LCOR: variants seen among roughly 807,000 people sequenced by gnomAD.
LCOR encodes ligand dependent nuclear receptor corepressor, also known as ligand-dependent corepressor.
In LCOR, 14 loss-of-function variants were observed where a neutral mutation model predicts 64.4. The ratio of observed to expected loss-of-function variants is 0.22; its 90% confidence interval spans 0.14 to 0.34. The LOEUF (loss-of-function observed/expected upper bound fraction) is 0.34. Ranked by LOEUF, LCOR falls within the 10% of genes least tolerant of loss-of-function variation. The pLI is 1.00. For synonymous variants in LCOR, 643 were observed against 642.5 expected (o/e 1.00, Z -0.01); for missense variants, 1,686 against 1,765.3 (o/e 0.96, Z 0.80).
rs565064201 is a variant in LCOR, at chr10:96,865,358, T to C, written c.-330+31879T>C. On this transcript the variant is annotated intron_variant, in intron 2 of 7. Transcript: ENST00000421806. ...TTTATGGGAAGAAAAGATACAATTATACCTAGGCACTAGATATTTCTGTAA... is the reference window on the plus strand; with the variant it reads ...TTTATGGGAAGAAAAGATACAATTACACCTAGGCACTAGATATTTCTGTAA... 5.9e-5 allele frequency among the ~76,000 whole-genome samples: 9 copies of C among 152,304 alleles called. No individual in the cohort carries two copies. The East Asian group carries it at 1.5e-3, about 26-fold the overall frequency.
chr10:96,958,341 TA>T lies in LCOR; in HGVS notation c.332+6148del. On this transcript the variant is annotated intron_variant, in intron 7 of 7. Transcript: ENST00000421806. ...TAAGTGATGTATGAGTTGAGTTATG[TA>T]AATTTTGTCATTGTAGTGTACATGG... The T allele has an allele frequency of 2.0e-6, 3 of 1,532,188 alleles. No individual in the cohort carries two copies. The South Asian group carries it at 3.6e-5, about 18-fold the overall frequency. The allele number at this position is 1,532,188 out of a possible 1,614,324, so 94.9% of individuals were successfully genotyped here.
intron 6 of LCOR, among the ~76,000 whole-genome samples, chr10:96,951,510 A>G (rs1847679229): frequency 6.6e-6 from 1 of 152,178 alleles, no homozygotes; most frequent in African/African-American, 2.4e-5. Context: ...TGGTCTAGAA[A>G]ACTATTAGAC....
At chr10:96,949,822 A>G (rs959118193) in intron 6 of LCOR, among the ~76,000 whole-genome samples, 2 of 152,200 alleles carry the variant, frequency 1.3e-5, no homozygotes, top group African/African-American at 4.8e-5. Context: ...AATATATTCA[A>G]TGTTTTATAA....
At chr10:96,964,292 G>C (rs1444479322) in intron 7 of LCOR, 1 of 147,136 alleles carries the variant, frequency 6.8e-6, no homozygotes, top group Non-Finnish European at 1.5e-5. Context: ...TTTCGTGCAT[G>C]TGTAAGATTT....
intron 7 of LCOR, among the ~76,000 whole-genome samples, chr10:96,952,869 GA>G (rs760287703): frequency 6.6e-5 from 10 of 152,088 alleles, no homozygotes; most frequent in Non-Finnish European, 1.5e-4. Context: ...ATACCATGTT[GA>G]AAAAGCATTT....
chr10:96,885,883 T>G lies in LCOR; in HGVS notation c.-329-21382T>G, dbSNP rs554520275. On this transcript the variant is annotated intron_variant, in intron 2 of 7. Coordinates refer to ENST00000421806, the MANE Select transcript of LCOR (RefSeq NM_001346516.2). ...TTTAATATTTCTTGATATGTTTCCC[T>G]TAATGATTTTAAAGATTGTGTTTGT... is the stretch of plus-strand genomic sequence containing the variant. 3.9e-5 allele frequency among the ~76,000 whole-genome samples: 6 copies of G among 152,284 alleles called. No individual in the cohort carries two copies. In the South Asian group the frequency reaches 1.2e-3, roughly 32 times the overall value.
At chr10:96,842,063 G>T (rs1845551005) in intron 2 of LCOR, among the ~76,000 whole-genome samples, 1 of 151,924 alleles carries the variant, frequency 6.6e-6, no homozygotes, top group Admixed American at 6.6e-5. Context: ...TTTTGCAGAA[G>T]GTAAAAGCAT....
chr10:96,857,962 A>G (rs372234015), intron 2 of LCOR, among the ~76,000 whole-genome samples: 25 of 152,228 alleles, frequency 1.6e-4, no homozygotes, highest in Admixed American at 3.3e-4. Flanking sequence ...TTTCTAGTGT[A>G]TCAGGCTAAA....
chr10:96,908,323 C>T (rs1032361726), intron 4 of LCOR, among the ~76,000 whole-genome samples: 1 of 152,076 alleles, frequency 6.6e-6, no homozygotes, highest in African/African-American at 2.4e-5. Flanking sequence ...GTTCACTAGG[C>T]AGAATAATTA....
intron 4 of LCOR, among the ~76,000 whole-genome samples, chr10:96,930,110 T>TATGCTC (rs917975010): frequency 6.6e-6 from 1 of 152,192 alleles, no homozygotes; most frequent in African/African-American, 2.4e-5. Flanking sequence ...GGTGTCACCA[T>TATGCTC]ATGCTCTTGG....
chr10:96,842,334 C>T (rs867394734), intron 2 of LCOR, among the ~76,000 whole-genome samples: 1 of 152,064 alleles, frequency 6.6e-6, no homozygotes, highest in South Asian at 2.1e-4. Context: ...GGTGGAGTTG[C>T]AGTGAGCCGA....
chr10:96,915,822 A>T (rs1846932011), intron 4 of LCOR: 1 of 550,482 alleles, frequency 1.8e-6, no homozygotes, highest in Non-Finnish European at 3.5e-6. Context: ...TTAGCAGACA[A>T]CCTTGCAGAT....
chr10:96,848,515 G>A (rs1400090424), intron 2 of LCOR, among the ~76,000 whole-genome samples: 2 of 152,078 alleles, frequency 1.3e-5, no homozygotes, highest in African/African-American at 4.8e-5. Flanking sequence ...AAAATTAGCC[G>A]GTTGTGGTGG....
rs1052079965 is a variant in LCOR at position 96,920,814 on chromosome 10, G to A, written c.-184+13067G>A. Among the ~76,000 whole-genome samples, 18 of 150,904 alleles carry A rather than the reference G, an allele frequency of 1.2e-4. 1 individual carries two copies. The highest frequency in any genetic ancestry group is 3.9e-4 in the East Asian group (2 of 5,128). ...CACGCGCGGTGGGGGGGTGGTGGGCGGGAGACAGGATGTTACTCTGTTGCC... is the reference window on the plus strand; with the variant it reads ...CACGCGCGGTGGGGGGGTGGTGGGCAGGAGACAGGATGTTACTCTGTTGCC... On this transcript the variant is annotated intron_variant, in intron 4 of 7. Transcript: ENST00000421806.
rs745839487 is a variant in LCOR, at chr10:96,891,482, CTTTTTTTT to C, written c.-329-15770_-329-15763del. 1.1e-4 allele frequency among the ~76,000 whole-genome samples: 3 copies of C among 28,498 alleles called. No individual in the cohort carries two copies. In the Admixed American group the frequency reaches 1.5e-3, roughly 15 times the overall value. The allele number at this position is 28,498 out of a possible 152,430, so 18.7% of individuals were successfully genotyped here. Reference sequence around the variant, plus strand: ...TTCATTGATACTGATTTTTCTGACTCTTTTTTTTTTTTTTTTTTTTGAGACAGGGTCTT... The same window carrying C: ...TTCATTGATACTGATTTTTCTGACTCTTTTTTTTTTTTGAGACAGGGTCTT... On this transcript the variant is annotated intron_variant, in intron 2 of 7. Coordinates refer to ENST00000421806, the MANE Select transcript of LCOR (RefSeq NM_001346516.2).
At chr10:96,930,273 C>G (rs566199417) in intron 4 of LCOR, among the ~76,000 whole-genome samples, 6 of 152,104 alleles carry the variant, frequency 3.9e-5, no homozygotes, top group Middle Eastern at 3.2e-3. Context: ...ACCACAGTGT[C>G]TTTATTATAT....
intron 4 of LCOR, among the ~76,000 whole-genome samples, chr10:96,942,766 C>T (rs975746236): frequency 1.3e-5 from 2 of 151,996 alleles, no homozygotes; most frequent in East Asian, 3.9e-4. Context: ...TATAACATGT[C>T]TTCAATGTGT....
At chr10:96,892,122 GTTGT>G (rs1436082387) in intron 2 of LCOR, among the ~76,000 whole-genome samples, 1 of 152,066 alleles carries the variant, frequency 6.6e-6, no homozygotes, top group Non-Finnish European at 1.5e-5. Flanking sequence ...GCCTAACGGT[GTTGT>G]TTAAGTCTTC....
Position 96,981,017 on chromosome 10 carries a change from A to C in LCOR, c.557A>C (p.Lys186Thr), listed in dbSNP as rs1345147787. Residue 186 changes from lysine to threonine, a missense_variant, in exon 8 of 8, where the codon AAA becomes ACA. Lys to Thr is a moderately conservative substitution (Grantham distance 78). Coordinates refer to ENST00000421806, the MANE Select transcript of LCOR (RefSeq NM_001346516.2). The stretch of plus-strand genomic sequence containing the variant: ...GCTGGCTGTGCCCAGCTCAGCACCA[A>C]ACATAAGGAAAAAGATGCTCTGTGT... ...CNAGCAQLST[K>T]HKEKDALCLD... 4.3e-6 allele frequency: 3 copies of C among 703,034 alleles called. No homozygotes were observed. The allele number at this position is 703,034 out of a possible 1,614,324, so 43.5% of individuals were successfully genotyped here.
Sources: allele counts gnomAD v4.1 joint callset (sites outside exome capture counted in the v4.1 genomes callset), GRCh38; gene constraint gnomAD v4.1.1; transcripts MANE v1.5; gene names NCBI Gene and HGNC (gene_info 2026-07-23, HGNC 2026-07-21).